FAM186B: variants seen among roughly 807,000 people sequenced by gnomAD.
The protein encoded by FAM186B is protein FAM186B.
In FAM186B, 68 loss-of-function variants were observed where a neutral mutation model predicts 83.4. That is an observed-to-expected ratio of 0.81 (90% confidence interval 0.67 to 1.00). FAM186B has a LOEUF of 1.00. Among genes scored for constraint, FAM186B ranks in the 50% least tolerant of loss-of-function variants. The pLI is 0.00. For missense variants in FAM186B, 983 were observed against 1,099.2 expected (o/e 0.89, Z 1.49); for synonymous variants, 389 against 422.0 (o/e 0.92, Z 0.96).
At chr12:49,595,614 G>T in intron 5 of FAM186B, 1 of 413,466 alleles carries the variant, frequency 2.4e-6, no homozygotes. Context: ...CTTTGAGTTT[G>T]TGATTACAAT....
chr12:49,589,531 C>T (rs914321483), intron 5 of FAM186B, among the ~76,000 whole-genome samples: 1 of 151,960 alleles, frequency 6.6e-6, no homozygotes, highest in African/African-American at 2.4e-5. Flanking sequence ...AAACTCAATA[C>T]TTGTATAATG....
chr12:49,583,643 C>G (rs1280153650), downstream of FAM186B: 2 of 153,114 alleles, frequency 1.3e-5, no homozygotes, highest in Admixed American at 1.3e-4. Flanking sequence ...TGTTCACACC[C>G]CACATCCTCC....
At chr12:49,618,908 C>T in the FAM186B span, among the ~76,000 whole-genome samples, 1 of 152,150 alleles carries the variant, frequency 6.6e-6, no homozygotes, top group African/African-American at 2.4e-5. Flanking sequence ...GTGCCCAGCA[C>T]AATGGAAGAT....
At chr12:49,590,136 A>G (rs1042669081) in intron 5 of FAM186B, among the ~76,000 whole-genome samples, 1 of 151,724 alleles carries the variant, frequency 6.6e-6, no homozygotes, top group Non-Finnish European at 1.5e-5. Context: ...GGATTCCAAT[A>G]TAAGTTTTTT....
the FAM186B span, among the ~76,000 whole-genome samples, chr12:49,614,642 T>G: frequency 6.6e-6 from 1 of 152,132 alleles, no homozygotes; most frequent in South Asian, 2.1e-4. Flanking sequence ...GCTCAATATC[T>G]GGGTGATGGG....
the FAM186B span, among the ~76,000 whole-genome samples, chr12:49,613,390 G>T: frequency 1.3e-5 from 2 of 151,806 alleles, no homozygotes; most frequent in African/African-American, 4.8e-5. Context: ...AGCCGGGTGT[G>T]GTGGTGGGCG....
chr12:49,612,810 G>T, the FAM186B span, among the ~76,000 whole-genome samples: 1 of 152,096 alleles, frequency 6.6e-6, no homozygotes, highest in African/African-American at 2.4e-5. Flanking sequence ...CCCAATGACA[G>T]CATTAGACAG....
chr12:49,602,192 T>A (rs1435060624), intron 3 of FAM186B, among the ~76,000 whole-genome samples: 2 of 152,156 alleles, frequency 1.3e-5, no homozygotes, highest in African/African-American at 4.8e-5. Context: ...CAATAAATCA[T>A]CCCTAAAAAG....
chr12:49,586,558 G>A (rs1032553061), downstream of FAM186B, among the ~76,000 whole-genome samples: 11 of 152,156 alleles, frequency 7.2e-5, no homozygotes, highest in Non-Finnish European at 1.2e-4. Context: ...GAGACCCCAC[G>A]ATGGGGAGGT....
chr12:49,601,160 C>T (rs769790801), intron 3 of FAM186B, 26 bp from the exon 4 acceptor site: 1 of 1,519,140 alleles, frequency 6.6e-7, no homozygotes, highest in Non-Finnish European at 8.8e-7. Flanking sequence ...AGAAAAAAGT[C>T]AACGATTTCT....
chr12:49,617,485 AG>A, the FAM186B span, among the ~76,000 whole-genome samples: 1 of 151,900 alleles, frequency 6.6e-6, no homozygotes, highest in Non-Finnish European at 1.5e-5. Flanking sequence ...CAGAGGCTAC[AG>A]TGAGCCGAGA....
intron 3 of FAM186B, among the ~76,000 whole-genome samples, chr12:49,602,665 C>G (rs1261976): frequency 0.98 from 149,809 of 152,358 alleles, 73,677 homozygotes; most frequent in East Asian, 1. Context: ...TTTCCTTGTG[C>G]TCCCTTCTCT....
downstream of FAM186B, chr12:49,583,066 G>C (rs1284596415): frequency 4.4e-6 from 2 of 456,266 alleles, no homozygotes; most frequent in Non-Finnish European, 8.8e-6. Context: ...TCCATCACCA[G>C]AGCAAGTTCA....
At chr12:49,595,427 C>A in intron 5 of FAM186B, 1 of 512,878 alleles carries the variant, frequency 1.9e-6, no homozygotes, top group Non-Finnish European at 3.9e-6. Flanking sequence ...GGCCTTATAG[C>A]CACTATCTGT....
rs376888334 is a variant in FAM186B at position 49,587,557 on chromosome 12, C to T, written c.*48G>A. ...GAGAATCCACATTGACCATCAGCCT[C>T]GCACCTTACTGGGCCTTCAGGAAGT... On this transcript the variant is annotated 3_prime_UTR_variant, in exon 7 of 7. Coordinates refer to ENST00000257894, the MANE Select transcript of FAM186B (RefSeq NM_032130.3). The T allele has an allele frequency of 9.9e-6, 16 of 1,611,768 alleles. No individual in the cohort carries two copies. Among genetic ancestry groups the T allele is most frequent in the East Asian group, 4.5e-5 (2 of 44,864 alleles).
intron 5 of FAM186B, chr12:49,595,319 A>G: frequency 3.2e-6 from 2 of 631,882 alleles, no homozygotes; most frequent in East Asian, 4.4e-5. Context: ...GAGGGACCAT[A>G]TGACATAGTA....
At chr12:49,611,549 G>A in the FAM186B span, among the ~76,000 whole-genome samples, 1 of 146,392 alleles carries the variant, frequency 6.8e-6, no homozygotes, top group Non-Finnish European at 1.5e-5. Flanking sequence ...GCAAGACTGT[G>A]TCTCAAAAAA....
At chr12:49,621,856 C>T in the FAM186B span, among the ~76,000 whole-genome samples, 12 of 151,986 alleles carry the variant, frequency 7.9e-5, no homozygotes. Context: ...GGGGGAAGGC[C>T]GGAGATGTGA....
chr12:49,608,230 C>A (rs1361366649), upstream of FAM186B, among the ~76,000 whole-genome samples: 1 of 150,694 alleles, frequency 6.6e-6, no homozygotes, highest in South Asian at 2.1e-4. Flanking sequence ...GTGGCTCATG[C>A]CTGTAATCCC....
Sources: gnomAD v4.1 joint callset for allele counts (sites outside exome capture counted in the v4.1 genomes callset) on GRCh38, gnomAD v4.1.1 for gene constraint, MANE v1.5 for transcripts, NCBI Gene and HGNC (gene_info 2026-07-23, HGNC 2026-07-21) for gene names.